ARID1B: variants seen among roughly 807,000 people sequenced by gnomAD.
ARID1B encodes the protein AT-rich interactive domain-containing protein 1B.
In ARID1B, 30 loss-of-function variants were observed where a neutral mutation model predicts 212.3. The ratio of observed to expected loss-of-function variants is 0.14; its 90% confidence interval spans 0.11 to 0.19. The LOEUF (loss-of-function observed/expected upper bound fraction) is 0.19, where lower values mean the gene tolerates loss of function less well. Ranked by LOEUF, ARID1B falls within the 10% of genes least tolerant of loss-of-function variation. The pLI is 1.00. For missense variants in ARID1B, 2,891 were observed against 3,204.0 expected (o/e 0.90, Z 2.36); for synonymous variants, 1,402 against 1,301.7 (o/e 1.08, Z -1.66).
rs11386798 is a variant in ARID1B at position 156,922,173 on chromosome 6, CT to C, written c.2137-13277del. 4.9e-3 allele frequency among the ~76,000 whole-genome samples: 680 copies of C among 138,010 alleles called. 1 individual carries two copies. Among genetic ancestry groups the C allele is most frequent in the Middle Eastern group, 0.018 (5 of 272 alleles). The allele number at this position is 138,010 out of a possible 152,430, so 90.5% of individuals were successfully genotyped here. A position where few individuals can be genotyped will look rare whatever the true frequency, so the allele number is the denominator to read the frequency against. On this transcript the variant is annotated intron_variant, in intron 3 of 19. Coordinates refer to ENST00000636930, the MANE Select transcript of ARID1B (RefSeq NM_001374828.1). ...CGTAAGGGGTCCTGTATAGGTTGCC[CT>C]TTTTTTTTTTTTTTTGGAGATGGAG...
At chr6:156,945,377 C>T (rs1793038944) in intron 4 of ARID1B, among the ~76,000 whole-genome samples, 2 of 150,414 alleles carry the variant, frequency 1.3e-5, no homozygotes, top group South Asian at 4.2e-4. Context: ...AAATGGTATG[C>T]ACTGAGGCAG....
At position 156,800,736 on chromosome 6, in the gene ARID1B, G is replaced by A. The variant is rs1230558765; in HGVS notation, c.1791+21265G>A. Among the ~76,000 whole-genome samples, 7 of 152,022 alleles carry A rather than the reference G, an allele frequency of 4.6e-5. No individual in the cohort carries two copies. In the East Asian group the frequency reaches 5.8e-4, roughly 13 times the overall value. On this transcript the variant is annotated intron_variant, in intron 1 of 19. Transcript: ENST00000636930. ...AGCTTGGGCAACATAGTAAGACCCC[G>A]TCTCTACAAAAAATTAAAAAATTAG... is the stretch of plus-strand genomic sequence containing the variant.
chr6:156,823,922 T>C (rs1782566678), intron 1 of ARID1B, among the ~76,000 whole-genome samples: 1 of 152,192 alleles, frequency 6.6e-6, no homozygotes, highest in South Asian at 2.1e-4. Context: ...ATATTTAAAG[T>C]ATACTAAAAG....
chr6:156,898,259 A>G (rs933851291), intron 2 of ARID1B, among the ~76,000 whole-genome samples: 1 of 152,134 alleles, frequency 6.6e-6, no homozygotes, highest in African/African-American at 2.4e-5. Context: ...ACGACTTAAA[A>G]ACTCTCAGCA....
At chr6:157,058,718 G>A (rs1031535712) in intron 4 of ARID1B, among the ~76,000 whole-genome samples, 1 of 152,220 alleles carries the variant, frequency 6.6e-6, no homozygotes, top group Non-Finnish European at 1.5e-5. Context: ...TCACTCACCC[G>A]TGCTGGGTGC....
chr6:156,998,201 G>A (rs1411227438), intron 4 of ARID1B, among the ~76,000 whole-genome samples: 1 of 148,590 alleles, frequency 6.7e-6, no homozygotes, highest in East Asian at 2.0e-4. Flanking sequence ...TCCCAATCTT[G>A]ATCTCTCTCT....
chr6:157,003,961 C>T (rs1779052416), intron 4 of ARID1B, among the ~76,000 whole-genome samples: 1 of 151,524 alleles, frequency 6.6e-6, no homozygotes, highest in South Asian at 2.1e-4. Context: ...ATGGTGAAAT[C>T]CCATCTCTAC....
intron 1 of ARID1B, among the ~76,000 whole-genome samples, chr6:156,791,479 TC>T (rs1417958900): frequency 3.3e-5 from 5 of 152,234 alleles, no homozygotes; most frequent in Admixed American, 2.0e-4. Flanking sequence ...CGTGAGCTGT[TC>T]CATTCTTAAC....
At chr6:157,039,318 A>ATTTATTTTTTTT in intron 4 of ARID1B, among the ~76,000 whole-genome samples, 1 of 112,826 alleles carries the variant, frequency 8.9e-6, no homozygotes, top group African/African-American at 3.6e-5. Flanking sequence ...GAAATTTGAC[A>ATTTATTTTTTTT]TTTCTTTTTT....
At chr6:156,897,218 G>GCTGCCGCTTCTTCTTCTTCTTCTT (rs1554264583) in intron 2 of ARID1B, among the ~76,000 whole-genome samples, 1 of 91,378 alleles carries the variant, frequency 1.1e-5, no homozygotes, top group Non-Finnish European at 2.2e-5. Flanking sequence ...TGCTGCTGCT[G>GCTGCCGCTTCTTCTTCTTCTTCTT]CTTCTTCTTC....
intron 8 of ARID1B, chr6:157,150,743 G>A (rs1395736117): frequency 1.7e-5 from 3 of 180,538 alleles, no homozygotes; most frequent in East Asian, 9.1e-5. Context: ...ACATTAGGTC[G>A]CCTGCTTATC....
intron 9 of ARID1B, among the ~76,000 whole-genome samples, chr6:157,172,606 A>G (rs1390828696): frequency 1.3e-5 from 2 of 152,176 alleles, no homozygotes; most frequent in African/African-American, 4.8e-5. Flanking sequence ...CTTTTTTGGC[A>G]GGACCTGTGG....
intron 4 of ARID1B, among the ~76,000 whole-genome samples, chr6:156,993,850 A>G (rs1023117014): frequency 6.6e-6 from 1 of 152,238 alleles, no homozygotes; most frequent in Non-Finnish European, 1.5e-5. Flanking sequence ...ATTTATAAAA[A>G]TCAAATGGAA....
At chr6:157,183,045 G>T (rs1011250438) in intron 12 of ARID1B, among the ~76,000 whole-genome samples, 1 of 152,022 alleles carries the variant, frequency 6.6e-6, no homozygotes, top group Non-Finnish European at 1.5e-5. Flanking sequence ...GACTCTCCGC[G>T]GGCTTATAAT....
At chr6:157,098,721 T>G (rs1482114742) in intron 5 of ARID1B, among the ~76,000 whole-genome samples, 6 of 152,220 alleles carry the variant, frequency 3.9e-5, no homozygotes, top group African/African-American at 7.2e-5. Flanking sequence ...ATTTAATGGC[T>G]GTTTTATCCA....
At chr6:156,930,922 G>A (rs1053824345) in intron 3 of ARID1B, among the ~76,000 whole-genome samples, 9 of 152,180 alleles carry the variant, frequency 5.9e-5, no homozygotes, top group African/African-American at 2.2e-4. Flanking sequence ...CAGGCAGAGT[G>A]GCTTATGCCT....
intron 4 of ARID1B, among the ~76,000 whole-genome samples, chr6:157,044,552 A>T (rs912926465): frequency 4.6e-5 from 7 of 152,180 alleles, no homozygotes; most frequent in African/African-American, 9.7e-5. Flanking sequence ...AAAAAGCGGG[A>T]GGTTCACTTG....
At chr6:157,142,582 C>T (rs1301132966) in intron 7 of ARID1B, among the ~76,000 whole-genome samples, 7 of 152,074 alleles carry the variant, frequency 4.6e-5, no homozygotes, top group South Asian at 2.1e-4. Flanking sequence ...GCCGGGATCA[C>T]GTCACTGCAC....
Position 157,084,696 on chromosome 6 carries a change from G to C in ARID1B, c.2282G>C (p.Gly761Ala), listed in dbSNP as rs1784850449. Residue 761 changes from glycine (G) to alanine (A), a missense_variant, in exon 5 of 20, where the codon GGA (glycine) becomes GCA (alanine). By Grantham distance (60) the Gly-to-Ala change is moderately conservative (BLOSUM62 0). Transcript: ENST00000636930. ...GGCTCCATTGATGACCTCCCCACGG[G>C]AACGGAAGCAACTTTGAGCTCAGCA... Reference protein sequence around the residue: ...LSGSIDDLPTGTEATLSSAVS... With the variant: ...LSGSIDDLPTATEATLSSAVS... 1 of 1,614,086 alleles carries C rather than the reference G, an allele frequency of 6.2e-7. No individual in the cohort carries two copies. The highest frequency in any genetic ancestry group is 8.5e-7 in the Non-Finnish European group (1 of 1,180,014).
Sources: gnomAD v4.1 joint callset for allele counts (sites outside exome capture counted in the v4.1 genomes callset) on GRCh38, gnomAD v4.1.1 for gene constraint, MANE v1.5 for transcripts, NCBI Gene and HGNC (gene_info 2026-07-23, HGNC 2026-07-21) for gene names.